The following GNE variants were observed in gnomAD, a reference collection of about 807,000 sequenced individuals.
The protein encoded by GNE is glucosamine (UDP-N-acetyl)-2-epimerase/N-acetylmannosamine kinase.
GNE carries 41 observed loss-of-function variants against 61.8 expected under a neutral mutation model. The observed-to-expected ratio is 0.66, with a 90% CI of 0.52 to 0.86. The LOEUF (loss-of-function observed/expected upper bound fraction) is 0.86. Ranked by LOEUF, GNE falls within the 40% of genes least tolerant of loss-of-function variation. The probability of loss-of-function intolerance (pLI) is 0.00; values close to 1 mark genes in which losing one functional copy is unlikely to be tolerated. For missense variants in GNE, 608 were observed against 909.1 expected (o/e 0.67, Z 4.26); for synonymous variants, 264 against 326.4 (o/e 0.81, Z 2.06).
upstream of GNE, among the ~76,000 whole-genome samples, chr9:36,260,857 A>G (rs979699356): frequency 4.7e-5 from 6 of 126,868 alleles, no homozygotes; most frequent in Non-Finnish European, 8.2e-5. Flanking sequence ...CAACAGAGCG[A>G]GACTCTATCT....
rs553646947 is a variant in GNE, at chr9:36,216,918, C to T, written c.*447G>A. On this transcript the variant is annotated 3_prime_UTR_variant, in exon 12 of 12. Transcript: ENST00000642385. ...CGATCTCCTGACCTCGTGATCCGCC[C>T]GCCTCGGCCTCCCAAAGTGCTGGGA... The T allele has an allele frequency of 2.8e-5, 6 of 214,646 alleles. No individual in the cohort carries two copies. The South Asian group carries it at 2.8e-4, about 10-fold the overall frequency. The allele number at this position is 214,646 out of a possible 1,614,324, so 13.3% of individuals were successfully genotyped here.
chr9:36,257,802 C>CAAAAAAAAAAAAAAAAAAAAA (rs60845805), intron 1 of GNE, among the ~76,000 whole-genome samples: 1 of 25,236 alleles, frequency 4.0e-5, no homozygotes, highest in African/African-American at 1.3e-4. Context: ...GACTCAGTCT[C>CAAAAAAAAAAAAAAAAAAAAA]AAAAAAAAAA....
chr9:36,218,347 G>C lies in GNE; in HGVS notation c.1817-48C>G. ...GCAGTCACTAATGAGCTGTGGGGAGGCCAAGCTCACCACTGGGCCTGTGGA... is the reference window on the plus strand; with the variant it reads ...GCAGTCACTAATGAGCTGTGGGGAGCCCAAGCTCACCACTGGGCCTGTGGA... On this transcript the variant is annotated intron_variant, in intron 10 of 11. Coordinates refer to ENST00000642385, the MANE Select transcript of GNE (RefSeq NM_005476.7). This position sits in a 1 kb window ranked among gnomAD's most constrained non-coding sequence, Gnocchi z 4.1. 7.4e-7 allele frequency: 1 copy of C among 1,357,334 alleles called. No individual in the cohort carries two copies. Among genetic ancestry groups the C allele is most frequent in the Non-Finnish European group, 1.1e-6 (1 of 946,342 alleles). 84.1% of individuals were successfully genotyped at this position (1,357,334 alleles called of 1,614,324 possible).
At chr9:36,239,023 C>T (rs970551178) in intron 3 of GNE, among the ~76,000 whole-genome samples, 3 of 152,034 alleles carry the variant, frequency 2.0e-5, no homozygotes, top group Admixed American at 6.6e-5. Flanking sequence ...TTTGATTTGT[C>T]GAAGATCAGT....
Position 36,217,521 on chromosome 9 carries a change from C to G in GNE, c.2013G>C (p.Leu671=), listed in dbSNP as rs1430610041. 6.2e-7 allele frequency: 1 copy of G among 1,614,104 alleles called. No individual in the cohort carries two copies. The highest frequency in any genetic ancestry group is 8.5e-7 in the Non-Finnish European group (1 of 1,179,964). Residue 671 remains leucine (L), a synonymous_variant, in exon 12 of 12, where the codon CTG becomes CTC. Coordinates refer to ENST00000642385, the MANE Select transcript of GNE (RefSeq NM_005476.7). Reference sequence around the variant, plus strand: ...TGACAATGTGGATATAGTGACTGGCCAGGACTCCGGAGAGGATCACAAGGG... The same window carrying G: ...TGACAATGTGGATATAGTGACTGGCGAGGACTCCGGAGAGGATCACAAGGG... ...NPSLVILSGV[L]ASHYIHIVKD... is the part of the protein sequence containing the mutation.
intron 3 of GNE, 38 bp downstream of exon 3, chr9:36,245,993 A>G: frequency 6.8e-7 from 1 of 1,475,088 alleles, no homozygotes; most frequent in Non-Finnish European, 9.5e-7. Context: ...TTTCTGACAA[A>G]AACAGCCATT....
At chr9:36,248,603 C>G (rs539129974) in intron 2 of GNE, among the ~76,000 whole-genome samples, 1 of 152,204 alleles carries the variant, frequency 6.6e-6, no homozygotes. Context: ...GGATTATAGG[C>G]ATGTGCCACC....
chr9:36,237,643 T>TA (rs1303933620), intron 3 of GNE, among the ~76,000 whole-genome samples: 2 of 113,080 alleles, frequency 1.8e-5, no homozygotes, highest in Non-Finnish European at 4.4e-5. Context: ...GAGCTCCACT[T>TA]ACTTTTTTTT....
rs576445405 is a variant in GNE at position 36,247,813 on chromosome 9, G to A, written c.165-1331C>T. On this transcript the variant is annotated intron_variant, in intron 2 of 11. Coordinates refer to ENST00000642385, the MANE Select transcript of GNE (RefSeq NM_005476.7). ...AGGCGGAGGCAGGTGGATCACCTGAGGTTGGGAGTTTGAGACCAGCCTGAC... is the reference window on the plus strand; with the variant it reads ...AGGCGGAGGCAGGTGGATCACCTGAAGTTGGGAGTTTGAGACCAGCCTGAC... Among the ~76,000 whole-genome samples, 249 of 152,050 alleles carry A rather than the reference G, an allele frequency of 1.6e-3. 1 individual carries two copies. Among genetic ancestry groups the A allele is most frequent in the African/African-American group, 5.5e-3 (228 of 41,472 alleles).
intron 3 of GNE, among the ~76,000 whole-genome samples, chr9:36,244,349 C>T (rs534796351): frequency 6.6e-6 from 1 of 152,194 alleles, no homozygotes; most frequent in South Asian, 2.1e-4. Flanking sequence ...GATTATTAGT[C>T]CTAATTTGTC....
chr9:36,225,461 A>G (rs1261757454), intron 7 of GNE, among the ~76,000 whole-genome samples: 3 of 152,056 alleles, frequency 2.0e-5, no homozygotes, highest in Non-Finnish European at 4.4e-5. Flanking sequence ...ATGGTGAACC[A>G]CTGTCTCTAC....
intron 1 of GNE, among the ~76,000 whole-genome samples, chr9:36,252,384 GA>G (rs1170466837): frequency 6.6e-6 from 1 of 152,148 alleles, no homozygotes; most frequent in Non-Finnish European, 1.5e-5. Context: ...AATTTGAGCT[GA>G]AAAAATTGTT....
At position 36,222,769 on chromosome 9, in the gene GNE, C is replaced by CTA; in HGVS notation, c.1633+7_1633+8insTA. On this transcript the variant is annotated splice_region_variant and intron_variant, in intron 9 of 11. Coordinates refer to ENST00000642385, the MANE Select transcript of GNE (RefSeq NM_005476.7). ...GCTCCTGAACCAACCTCCCCCTACC[C>CTA]CTCTTACCTGTGCCTGTGATAAGTG... The CTA allele has an allele frequency of 6.3e-7, 1 of 1,586,256 alleles. No homozygotes were observed. Among genetic ancestry groups the CTA allele is most frequent in the South Asian group, 1.1e-5 (1 of 90,494 alleles).
rs150045137 is a variant in GNE, at chr9:36,217,530, G to A, written c.2004C>T (p.Ser668=). The change falls in exon 12 of 12, where the codon TCC becomes TCT. Residue 668 remains serine, a synonymous_variant. Coordinates refer to ENST00000642385, the MANE Select transcript of GNE (RefSeq NM_005476.7). ...HTMNPSLVIL[S]GVLASHYIHI... is the part of the protein sequence containing the mutation. ...GGATATAGTGACTGGCCAGGACTCC[G>A]GAGAGGATCACAAGGGAGGGATTCA... is the stretch of plus-strand genomic sequence containing the variant. The A allele has an allele frequency of 1.5e-4, 239 of 1,614,086 alleles. No homozygotes were observed. The highest frequency in any genetic ancestry group is 1.1e-3 in the African/African-American group (81 of 75,040).
chr9:36,241,659 C>T (rs1203945992), intron 3 of GNE, among the ~76,000 whole-genome samples: 2 of 152,110 alleles, frequency 1.3e-5, no homozygotes, highest in Admixed American at 1.3e-4. Context: ...ATTTTGTTTT[C>T]TGTTGTAAAG....
intron 1 of GNE, 67 bp downstream of exon 1, chr9:36,258,253 CG>C: frequency 1.1e-6 from 1 of 902,354 alleles, no homozygotes; most frequent in Non-Finnish European, 1.3e-6. Flanking sequence ...GGCAGGAGGC[CG>C]GGGGAGGCGG....
At chr9:36,244,742 C>T (rs1418510156) in intron 3 of GNE, among the ~76,000 whole-genome samples, 1 of 149,230 alleles carries the variant, frequency 6.7e-6, no homozygotes, top group East Asian at 2.0e-4. Flanking sequence ...TTGAGACCAG[C>T]CTGACCAACA....
rs747066733 is a variant in GNE at position 36,234,058 on chromosome 9, C to T, written c.844G>A (p.Val282Ile). Residue 282 changes from valine to isoleucine, a missense_variant, in exon 5 of 12, where the codon GTC becomes ATC. Coordinates refer to ENST00000642385, the MANE Select transcript of GNE (RefSeq NM_005476.7). ...HHPNFRAVKH[V>I]PFDQFIQLVA... ...AACTGTATAAACTGGTCAAATGGGA[C>T]GTGTTTAACTGCACGAAAGTTGGGA... is the stretch of plus-strand genomic sequence containing the variant. 6 of 1,614,000 alleles carry T rather than the reference C, an allele frequency of 3.7e-6. No homozygotes were observed. Among genetic ancestry groups the T allele is most frequent in the South Asian group, 1.1e-5 (1 of 91,084 alleles).
In GNE at chr9:36,214,862, CTT is replaced by C. The variant is rs1384854732; in HGVS notation, c.*2501_*2502del. ...CAGAGTTTTAGGAATCAGCCAAACT[CTT>C]TTTCACACTAACCCACTAGGAAGGA... On this transcript the variant is annotated 3_prime_UTR_variant, in exon 12 of 12. Transcript: ENST00000642385. 5 of 152,276 alleles carry C rather than the reference CTT, an allele frequency of 3.3e-5. No homozygotes were observed. Among genetic ancestry groups the C allele is most frequent in the Non-Finnish European group, 5.9e-5 (4 of 68,030 alleles). 9.4% of individuals were successfully genotyped at this position (152,276 alleles called of 1,614,324 possible). A position where few individuals can be genotyped will look rare whatever the true frequency, so the allele number is the denominator to read the frequency against.
Sources: gnomAD v4.1 joint callset for allele counts (sites outside exome capture counted in the v4.1 genomes callset) on GRCh38, gnomAD v4.1.1 for gene constraint, Gnocchi (gnomAD v3.1) non-coding constraint, MANE v1.5 for transcripts, NCBI Gene and HGNC (gene_info 2026-07-23, HGNC 2026-07-21) for gene names.